FOXP1: variants seen among roughly 807,000 people sequenced by gnomAD.
FOXP1 encodes the protein forkhead box protein P1.
Under a neutral mutation model 98.2 loss-of-function variants are expected in FOXP1, and 15 were observed. The ratio of observed to expected loss-of-function variants is 0.15; its 90% CI spans 0.10 to 0.24. The LOEUF (loss-of-function observed/expected upper bound fraction) is 0.24. Among genes scored for constraint, FOXP1 ranks in the 10% least tolerant of loss-of-function variants. FOXP1 has a pLI of 1.00. For synonymous variants in FOXP1, 371 were observed against 314.5 expected, an observed-to-expected ratio of 1.18 and a Z score of -1.90; for missense variants, 633 against 848.5, an observed-to-expected ratio of 0.75 and a Z score of 3.15.
chr3:71,006,857 A>C (rs1357139371), intron 12 of FOXP1, among the ~76,000 whole-genome samples: 2 of 152,212 alleles, frequency 1.3e-5, no homozygotes, highest in Non-Finnish European at 2.9e-5. Context: ...GAAAAATTTA[A>C]ATTTAATTTG....
Position 70,977,740 on chromosome 3 carries a change from T to C in FOXP1, c.1349-18A>G. The C allele has an allele frequency of 2.5e-6, 4 of 1,613,436 alleles. No individual in the cohort carries two copies. The highest frequency in any genetic ancestry group is 3.4e-6 in the Non-Finnish European group (4 of 1,179,304). The stretch of plus-strand genomic sequence containing the variant: ...AATATCTGCTGAATAAGAATCATTG[T>C]CCTATTAATTATCACTTTTTCAAAA... On this transcript the variant is annotated intron_variant, in intron 15 of 20. Coordinates refer to ENST00000649528, the MANE Select transcript of FOXP1 (RefSeq NM_001349338.3).
intron 6 of FOXP1, among the ~76,000 whole-genome samples, chr3:71,173,383 TCACA>T (rs3064895): frequency 0.12 from 17,016 of 143,168 alleles, 1,128 homozygotes; most frequent in Non-Finnish European, 0.16. Context: ...AAGAAAAAAT[TCACA>T]CACACACACA....
chr3:71,468,081 G>C (rs998426451), intron 3 of FOXP1, among the ~76,000 whole-genome samples: 1 of 151,796 alleles, frequency 6.6e-6, no homozygotes, highest in Non-Finnish European at 1.5e-5. Context: ...CATTCCAACA[G>C]TCCTCATTAG....
intron 6 of FOXP1, among the ~76,000 whole-genome samples, chr3:71,191,542 A>C (rs1407721368): frequency 6.6e-6 from 1 of 152,098 alleles, no homozygotes; most frequent in Non-Finnish European, 1.5e-5. Flanking sequence ...TGCCATTTTA[A>C]TTTTCAATGG....
intron 11 of FOXP1, among the ~76,000 whole-genome samples, chr3:71,040,784 A>C (rs568049276): frequency 6.6e-6 from 1 of 152,266 alleles, no homozygotes; most frequent in East Asian, 1.9e-4. Flanking sequence ...ACCAGCCACC[A>C]CCACCACTAC....
At chr3:71,440,824 C>T (rs2085864701) in intron 3 of FOXP1, among the ~76,000 whole-genome samples, 1 of 152,102 alleles carries the variant, frequency 6.6e-6, no homozygotes, top group South Asian at 2.1e-4. Flanking sequence ...ATAATCATGC[C>T]ACTACATTTC....
At chr3:71,329,091 C>T (rs1024508009) in intron 4 of FOXP1, among the ~76,000 whole-genome samples, 6 of 151,782 alleles carry the variant, frequency 4.0e-5, no homozygotes, top group Non-Finnish European at 4.4e-5. Flanking sequence ...CCTGAGCTCA[C>T]GCCTGGTGCC....
chr3:71,408,445 A>G lies in FOXP1; in HGVS notation c.-167-49201T>C, dbSNP rs2082502316. 3.3e-5 allele frequency among the ~76,000 whole-genome samples: 5 copies of G among 152,292 alleles called. No homozygotes were observed. In the South Asian group the frequency reaches 1.0e-3, roughly 32 times the overall value. On this transcript the variant is annotated intron_variant, in intron 3 of 20. Coordinates refer to ENST00000649528, the MANE Select transcript of FOXP1 (RefSeq NM_001349338.3). ...AGCCGTTACCATGCGCACATTCACGAGGTTTTTAAATATACATTGTGCCAT... is the reference window on the plus strand; with the variant it reads ...AGCCGTTACCATGCGCACATTCACGGGGTTTTTAAATATACATTGTGCCAT...
At chr3:71,163,664 A>AAAC (rs969437259) in intron 6 of FOXP1, among the ~76,000 whole-genome samples, 4 of 152,126 alleles carry the variant, frequency 2.6e-5, no homozygotes, top group South Asian at 2.1e-4. Context: ...ACAAGCAGGG[A>AAAC]AACAACAACA....
intron 3 of FOXP1, among the ~76,000 whole-genome samples, chr3:71,383,732 C>T (rs1414636098): frequency 1.3e-5 from 2 of 152,052 alleles, no homozygotes; most frequent in African/African-American, 4.8e-5. Context: ...AAGACCAGGC[C>T]CCCTTGAACC....
At chr3:70,968,783 A>T (rs901091414) in intron 19 of FOXP1, 3 of 152,174 alleles carry the variant, frequency 2.0e-5, no homozygotes, top group African/African-American at 7.2e-5. Context: ...TGAAAAATGG[A>T]AATAGGCGGT....
chr3:71,026,599 GCTAT>G (rs1038440333), intron 11 of FOXP1, among the ~76,000 whole-genome samples: 16 of 152,208 alleles, frequency 1.1e-4, no homozygotes, highest in African/African-American at 3.9e-4. Flanking sequence ...TCATTTGTAA[GCTAT>G]CTATGTGACC....
intron 4 of FOXP1, among the ~76,000 whole-genome samples, chr3:71,314,623 A>G (rs1410451416): frequency 6.6e-6 from 1 of 151,898 alleles, no homozygotes; most frequent in African/African-American, 2.4e-5. Context: ...CTTCTTAAGA[A>G]CATAGTGCTA....
chr3:71,428,227 C>T (rs2108367158), intron 3 of FOXP1, among the ~76,000 whole-genome samples: 1 of 152,302 alleles, frequency 6.6e-6, no homozygotes, highest in Non-Finnish European at 1.5e-5. Flanking sequence ...CATCATTCTG[C>T]CCAACAGGAC....
rs1268655245 is a variant in FOXP1, at chr3:71,041,418, G to C, written c.779C>G (p.Ser260Cys). Residue 260 changes from serine to cysteine, a missense_variant, in exon 11 of 21, where the codon TCC becomes TGC. Ser to Cys is a moderately radical substitution (Grantham distance 112). Transcript: ENST00000649528. ...GGAGGTCTTGGAAGGTGCAGAGGAG[G>C]AGACACATGTCGTGGTCAGATCCAA... The part of the protein sequence containing the change: ...SSLDLTTTCV[S>C]SSAPSKTSLI... 1.9e-6 allele frequency: 3 copies of C among 1,613,738 alleles called. No homozygotes were observed.
chr3:70,986,953 T>C (rs1283602751), intron 14 of FOXP1, among the ~76,000 whole-genome samples: 1 of 152,246 alleles, frequency 6.6e-6, no homozygotes, highest in Non-Finnish European at 1.5e-5. Context: ...CATACATATA[T>C]GGGTGTATGT....
At chr3:71,236,902 AAAAAT>A (rs979002470) in intron 5 of FOXP1, among the ~76,000 whole-genome samples, 2 of 151,682 alleles carry the variant, frequency 1.3e-5, no homozygotes, top group African/African-American at 4.8e-5. Context: ...AGAAAAAGAA[AAAAAT>A]AAAATAAAAA....
At chr3:71,083,603 C>A (rs2054696555) in intron 7 of FOXP1, among the ~76,000 whole-genome samples, 2 of 152,134 alleles carry the variant, frequency 1.3e-5, no homozygotes. Context: ...TGAGGGGTTG[C>A]TAAGCTGTAA....
chr3:71,043,113 C>G (rs1057378494), intron 10 of FOXP1, among the ~76,000 whole-genome samples: 2 of 152,134 alleles, frequency 1.3e-5, no homozygotes, highest in African/African-American at 4.8e-5. Context: ...TCCCTCCTAA[C>G]GGTTCTCCAC....
Sources: allele counts gnomAD v4.1 joint callset (sites outside exome capture counted in the v4.1 genomes callset), GRCh38; gene constraint gnomAD v4.1.1; transcripts MANE v1.5; gene names NCBI Gene and HGNC (gene_info 2026-07-23, HGNC 2026-07-21).